The following PADI4 variants were observed in gnomAD, a reference collection of about 807,000 sequenced individuals.
PADI4 encodes the protein protein-arginine deiminase type-4.
In PADI4, 62 loss-of-function variants were observed where a neutral mutation model predicts 75.0. The observed-to-expected ratio is 0.83, with a 90% CI of 0.67 to 1.02. The LOEUF (loss-of-function observed/expected upper bound fraction) is 1.02. PADI4 is among the 50% of genes least tolerant of loss of function. The probability of loss-of-function intolerance (pLI) is 0.00; values close to 1 mark genes in which losing one functional copy is unlikely to be tolerated. For missense variants in PADI4, 845 were observed against 850.5 expected, an observed-to-expected ratio of 0.99 and a Z score of 0.08; for synonymous variants, 361 against 348.1, an observed-to-expected ratio of 1.04 and a Z score of -0.41.
chr1:17,360,339 T>C (rs2074831953), intron 15 of PADI4, among the ~76,000 whole-genome samples: 1 of 151,902 alleles, frequency 6.6e-6, no homozygotes, highest in African/African-American at 2.4e-5. Context: ...GAAGACCTGC[T>C]CTTTTTATAG....
intron 10 of PADI4, among the ~76,000 whole-genome samples, chr1:17,352,047 G>A (rs1428949809): frequency 1.6e-4 from 17 of 104,530 alleles, no homozygotes; most frequent in African/African-American, 5.1e-4. Flanking sequence ...AGGAGAGGCA[G>A]TCAGGGAGGT....
At chr1:17,317,508 A>T (rs1461542508) in intron 1 of PADI4, among the ~76,000 whole-genome samples, 1 of 150,454 alleles carries the variant, frequency 6.6e-6, no homozygotes. Flanking sequence ...TGACCTCGTG[A>T]TCCGCCCGTC....
chr1:17,314,415 G>A (rs977810742), intron 1 of PADI4, among the ~76,000 whole-genome samples: 3 of 152,220 alleles, frequency 2.0e-5, no homozygotes, highest in African/African-American at 7.2e-5. Context: ...GGCCAGGTAG[G>A]TGTATCATAA....
chr1:17,342,890 G>T (rs2074449026), intron 8 of PADI4, among the ~76,000 whole-genome samples: 1 of 152,184 alleles, frequency 6.6e-6, no homozygotes, highest in African/African-American at 2.4e-5. Flanking sequence ...CACGAGAATT[G>T]CTTGAACCCT....
At chr1:17,316,427 C>T (rs184226483) in intron 1 of PADI4, among the ~76,000 whole-genome samples, 5 of 150,238 alleles carry the variant, frequency 3.3e-5, no homozygotes, top group African/African-American at 9.9e-5. Flanking sequence ...CGGTGGCTCA[C>T]GCCTGTAATC....
At chr1:17,315,625 T>C (rs1009472039) in intron 1 of PADI4, among the ~76,000 whole-genome samples, 3 of 151,926 alleles carry the variant, frequency 2.0e-5, no homozygotes, top group Admixed American at 6.5e-5. Context: ...TTTGCTTCCA[T>C]GGCCCTTCGG....
intron 6 of PADI4, among the ~76,000 whole-genome samples, chr1:17,340,062 A>G (rs923417162): frequency 9.2e-5 from 14 of 151,810 alleles, no homozygotes; most frequent in African/African-American, 3.1e-4. Flanking sequence ...GCACACACAC[A>G]CACACACACA....
intron 13 of PADI4, among the ~76,000 whole-genome samples, chr1:17,358,158 G>T (rs2074792546): frequency 6.6e-6 from 1 of 151,902 alleles, no homozygotes; most frequent in Non-Finnish European, 1.5e-5. Context: ...TGAGGCAGGA[G>T]AATCGCTTGA....
intron 15 of PADI4, among the ~76,000 whole-genome samples, chr1:17,361,897 C>T (rs1037060549): frequency 5.3e-5 from 8 of 152,264 alleles, no homozygotes; most frequent in Non-Finnish European, 8.8e-5. Flanking sequence ...GTGCCTACGA[C>T]GTGCAAGGCG....
chr1:17,359,288 C>CGACTGGAA lies in PADI4; in HGVS notation c.1639_1646dup (p.Asn549LysfsTer8). On this transcript the variant is annotated frameshift_variant, in exon 15 of 16. Coordinates refer to ENST00000375448, the MANE Select transcript of PADI4 (RefSeq NM_012387.3). LOFTEE classifies it high-confidence loss of function. ...CCTGCCCCTTCCCCAAGAGATGCAT[C>CGACTGGAA]GACTGGAACCGCGAGCTGCTGAAGC... 6.8e-7 allele frequency: 1 copy of CGACTGGAA among 1,477,944 alleles called. No homozygotes were observed. The highest frequency in any genetic ancestry group is 9.1e-7 in the Non-Finnish European group (1 of 1,093,472). 91.6% of individuals were successfully genotyped at this position (1,477,944 alleles called of 1,614,324 possible). A position where few individuals can be genotyped will look rare whatever the true frequency, so the allele number is the denominator to read the frequency against.
intron 1 of PADI4, among the ~76,000 whole-genome samples, chr1:17,322,371 C>T (rs2074044103): frequency 6.6e-6 from 1 of 152,114 alleles, no homozygotes. Context: ...CACCTGTAGT[C>T]CCAGCTACTT....
intron 10 of PADI4, 104 bp downstream of exon 10, chr1:17,348,152 C>G: frequency 1.4e-6 from 1 of 690,102 alleles, no homozygotes; most frequent in African/African-American, 1.8e-5. Flanking sequence ...AGCTGAGTAG[C>G]CCAGTGCAAG....
At chr1:17,358,941 C>G (rs749198180) in intron 14 of PADI4, 33 bp downstream of exon 14, 1 of 1,447,070 alleles carries the variant, frequency 6.9e-7, no homozygotes, top group Non-Finnish European at 9.6e-7. Flanking sequence ...CCCAGCAGAC[C>G]TGACGCCCTG....
chr1:17,355,693 T>G (rs1208232308), intron 11 of PADI4, among the ~76,000 whole-genome samples: 3 of 152,082 alleles, frequency 2.0e-5, no homozygotes, highest in Admixed American at 6.5e-5. Flanking sequence ...CTAAGCCCCA[T>G]GTGTACCCAG....
intron 3 of PADI4, 89 bp from the exon 4 acceptor site, chr1:17,336,070 T>C (rs1308627481): frequency 1.1e-5 from 9 of 850,322 alleles, no homozygotes; most frequent in South Asian, 8.3e-5. Context: ...CACAGTCCCC[T>C]GGGGAAACGA....
In PADI4 at chr1:17,314,639, C is replaced by T. The variant is rs543091050; in HGVS notation, c.92+6325C>T. Among the ~76,000 whole-genome samples, 10 of 152,310 alleles carry T rather than the reference C, an allele frequency of 6.6e-5. No individual in the cohort carries two copies. The East Asian group carries it at 1.7e-3, about 26-fold the overall frequency. ...CATTTTACAGAGAAGGAAGCTGAGG[C>T]CCAGGAGAGGTCAGTGGCTAGGCCA... On this transcript the variant is annotated intron_variant, in intron 1 of 15. Coordinates refer to ENST00000375448, the MANE Select transcript of PADI4 (RefSeq NM_012387.3).
intron 1 of PADI4, among the ~76,000 whole-genome samples, chr1:17,315,556 C>T (rs1362555657): frequency 6.6e-6 from 1 of 150,520 alleles, no homozygotes; most frequent in Non-Finnish European, 1.5e-5. Flanking sequence ...CTGACATCAG[C>T]CACCACCATC....
At position 17,363,935 on chromosome 1, in the gene PADI4, C is replaced by T. The variant is rs548457894; in HGVS notation, c.*180C>T. ...CCCACTCTGAAGATCCCAACATGGT[C>T]CTAGCACTGCACACTCAGTTCTGCT... On this transcript the variant is annotated 3_prime_UTR_variant, in exon 16 of 16. Transcript: ENST00000375448. 7.8e-5 allele frequency: 44 copies of T among 564,212 alleles called. No homozygotes were observed. Among genetic ancestry groups the T allele is most frequent in the African/African-American group, 7.7e-4 (41 of 53,324 alleles). 35.0% of individuals were successfully genotyped at this position (564,212 alleles called of 1,614,324 possible). A position where few individuals can be genotyped will look rare whatever the true frequency, so the allele number is the denominator to read the frequency against.
At chr1:17,311,240 G>C (rs2073821530) in intron 1 of PADI4, among the ~76,000 whole-genome samples, 1 of 152,062 alleles carries the variant, frequency 6.6e-6, no homozygotes, top group Non-Finnish European at 1.5e-5. Flanking sequence ...TCCAGCAAGG[G>C]CAACAGAGTG....
Sources: allele counts gnomAD v4.1 joint callset (sites outside exome capture counted in the v4.1 genomes callset), GRCh38; gene constraint gnomAD v4.1.1; transcripts MANE v1.5; gene names NCBI Gene and HGNC (gene_info 2026-07-23, HGNC 2026-07-21).